Variants in MYO1E observed in about 807,000 individuals in gnomAD.
MYO1E encodes unconventional myosin-Ie.
MYO1E carries 68 observed loss-of-function variants against 151.1 expected under a neutral mutation model. The ratio of observed to expected loss-of-function variants is 0.45; its 90% CI spans 0.37 to 0.55. The LOEUF is 0.55. Among genes scored for constraint, MYO1E ranks in the 20% least tolerant of loss-of-function variants. The probability of loss-of-function intolerance (pLI) is 0.00; values close to 1 mark genes in which losing one functional copy is unlikely to be tolerated. For missense variants in MYO1E, 1,363 were observed against 1,389.3 expected (o/e 0.98, Z 0.30); for synonymous variants, 601 against 501.7 (o/e 1.20, Z -2.64).
rs2080538724 is a variant in MYO1E at position 59,309,834 on chromosome 15, T to C, written c.4-37385A>G. Among the ~76,000 whole-genome samples, 2 of 152,220 alleles carry C rather than the reference T, an allele frequency of 1.3e-5. 1 individual carries two copies. The highest frequency in any genetic ancestry group is 1.3e-4 in the Admixed American group (2 of 15,284). ...TAAGTGGGTAGAGACAAAGAGAAGC[T>C]TGTCTGGATAGGCCTTCGTATATAC... On this transcript the variant is annotated intron_variant, in intron 1 of 27. Coordinates refer to ENST00000288235, the MANE Select transcript of MYO1E (RefSeq NM_004998.4).
chr15:59,325,349 G>T (rs1391228620), intron 1 of MYO1E, among the ~76,000 whole-genome samples: 1 of 152,036 alleles, frequency 6.6e-6, no homozygotes, highest in Non-Finnish European at 1.5e-5. Flanking sequence ...GTCCTTTTTA[G>T]TTAGGGGATA....
chr15:59,149,057 T>TG (rs2079460023), intron 26 of MYO1E, among the ~76,000 whole-genome samples: 2 of 71,380 alleles, frequency 2.8e-5, no homozygotes, highest in African/African-American at 6.7e-5. Context: ...TTTTTGTTTT[T>TG]TTTTTTTTTT....
At chr15:59,207,023 T>A (rs1435226124) in intron 14 of MYO1E, 1 of 1,613,528 alleles carries the variant, frequency 6.2e-7, no homozygotes, top group Admixed American at 1.7e-5. Context: ...GGGATGGCCC[T>A]GTGTCCGCGT....
At chr15:59,232,532 C>T (rs940830066) in intron 5 of MYO1E, among the ~76,000 whole-genome samples, 2 of 152,220 alleles carry the variant, frequency 1.3e-5, no homozygotes, top group Admixed American at 6.5e-5. Context: ...GTGCAAAACA[C>T]ACCATAGACA....
In MYO1E at chr15:59,137,377, A is replaced by G; in HGVS notation, c.*3T>C. 1 of 1,613,966 alleles carries G rather than the reference A, an allele frequency of 6.2e-7. No individual in the cohort carries two copies. On this transcript the variant is annotated 3_prime_UTR_variant, in exon 28 of 28. Coordinates refer to ENST00000288235, the MANE Select transcript of MYO1E (RefSeq NM_004998.4). ...TGCCCCATGTGTCAGAGTCACGGGC[A>G]CCTCAGATCTTGGTCACATAGTTGT... is the stretch of plus-strand genomic sequence containing the variant.
At chr15:59,224,218 C>T (rs780788565) in intron 8 of MYO1E, among the ~76,000 whole-genome samples, 1 of 152,058 alleles carries the variant, frequency 6.6e-6, no homozygotes, top group Non-Finnish European at 1.5e-5. Context: ...GGGCATGGCA[C>T]AGAAAAAGGG....
At chr15:59,207,567 A>G in intron 14 of MYO1E, 1 of 1,614,150 alleles carries the variant, frequency 6.2e-7, no homozygotes, top group South Asian at 1.1e-5. Flanking sequence ...GTATTATTGG[A>G]AGCGGCTGTA....
chr15:59,367,109 A>G (rs1481359538), intron 1 of MYO1E, among the ~76,000 whole-genome samples: 1 of 151,968 alleles, frequency 6.6e-6, no homozygotes, highest in Non-Finnish European at 1.5e-5. Flanking sequence ...ACTTACACAG[A>G]AGATTTAAAA....
intron 2 of MYO1E, among the ~76,000 whole-genome samples, chr15:59,261,862 T>C (rs111285476): frequency 0.021 from 3,145 of 152,288 alleles, 111 homozygotes; most frequent in African/African-American, 0.072. Flanking sequence ...CCTCAAATGA[T>C]ATGCATTTTT....
chr15:59,137,044 G>C lies in MYO1E; in HGVS notation c.*336C>G. The C allele has an allele frequency of 2.5e-6, 1 of 393,332 alleles. No homozygotes were observed. The highest frequency in any genetic ancestry group is 3.6e-5 in the Admixed American group (1 of 27,768). 24.4% of individuals were successfully genotyped at this position (393,332 alleles called of 1,614,324 possible). On this transcript the variant is annotated 3_prime_UTR_variant, in exon 28 of 28. Transcript: ENST00000288235. ...TACAGCCATTCTCTAGGCCTGGTGA[G>C]CAAGCAGGGTGCTGTTTTGATAGAA...
At chr15:59,326,284 C>A (rs962127919) in intron 1 of MYO1E, among the ~76,000 whole-genome samples, 43 of 152,162 alleles carry the variant, frequency 2.8e-4, no homozygotes, top group African/African-American at 1.0e-3. Flanking sequence ...CTTTGGGAGG[C>A]CGAGGCAGGC....
In MYO1E at chr15:59,218,108, C is replaced by T. The variant is rs757860955; in HGVS notation, c.911-21G>A. 3 of 1,612,914 alleles carry T rather than the reference C, an allele frequency of 1.9e-6. No individual in the cohort carries two copies. In the African/African-American group the frequency reaches 4.0e-5, roughly 22 times the overall value. On this transcript the variant is annotated intron_variant, in intron 9 of 27. Coordinates refer to ENST00000288235, the MANE Select transcript of MYO1E (RefSeq NM_004998.4). ...TAAAACTGTAGAACATAAAACAAAA[C>T]ATGACAATCTTTCAGAATTGTGACA...
chr15:59,170,421 A>G (rs921661578), intron 22 of MYO1E, among the ~76,000 whole-genome samples: 15 of 152,130 alleles, frequency 9.9e-5, no homozygotes, highest in African/African-American at 3.4e-4. Flanking sequence ...GCCCCATGCA[A>G]TGACAAACAA....
intron 14 of MYO1E, 103 bp downstream of exon 14, chr15:59,208,578 A>T: frequency 1.4e-6 from 2 of 1,400,550 alleles, no homozygotes; most frequent in East Asian, 2.3e-5. Flanking sequence ...CCGTTTGTTG[A>T]ATCAATAAAA....
chr15:59,285,350 C>CTTTTTTT (rs368001329), intron 1 of MYO1E, among the ~76,000 whole-genome samples: 25 of 74,088 alleles, frequency 3.4e-4, no homozygotes, highest in East Asian at 8.5e-4. Context: ...GACACTGTCT[C>CTTTTTTT]TTTTTTTTTT....
rs1159646729 is a variant in MYO1E, at chr15:59,350,763, T to C, written c.3+21735A>G. Among the ~76,000 whole-genome samples the C allele has an allele frequency of 6.6e-6, 1 of 152,216 alleles. No individual in the cohort carries two copies. Among genetic ancestry groups the C allele is most frequent in the Non-Finnish European group, 1.5e-5 (1 of 68,034 alleles). On this transcript the variant is annotated intron_variant, in intron 1 of 27. Transcript: ENST00000288235. This position sits in a 1 kb window ranked among gnomAD's most constrained non-coding sequence, Gnocchi z 5.0. The stretch of plus-strand genomic sequence containing the variant: ...GATAACAATGCAAGATGACATAGTT[T>C]AGTCACAAATAAATAACTCTATGGT...
chr15:59,142,089 G>A (rs896511829), intron 26 of MYO1E, among the ~76,000 whole-genome samples: 18 of 152,012 alleles, frequency 1.2e-4, no homozygotes, highest in Admixed American at 5.2e-4. Context: ...CCTGGGAAAC[G>A]GAGTGAGACT....
rs757058737 is a variant in MYO1E, at chr15:59,223,198, G to A, written c.778-7C>T. The A allele has an allele frequency of 1.9e-6, 3 of 1,613,140 alleles. No individual in the cohort carries two copies. The highest frequency in any genetic ancestry group is 2.2e-5 in the South Asian group (2 of 91,070). On this transcript the variant is annotated splice_polypyrimidine_tract_variant and splice_region_variant and intron_variant, in intron 8 of 27. Coordinates refer to ENST00000288235, the MANE Select transcript of MYO1E (RefSeq NM_004998.4). ...CAATCACATTCATGGCGTGCTGGAA[G>A]AGAAAAGAGAAACTATCCAGAGAAG...
intron 15 of MYO1E, among the ~76,000 whole-genome samples, chr15:59,204,526 A>G (rs754896915): frequency 1.3e-5 from 2 of 152,238 alleles, no homozygotes; most frequent in Non-Finnish European, 2.9e-5. Flanking sequence ...CCTCGCAAGC[A>G]TGATGGACTT....
Sources: allele counts gnomAD v4.1 joint callset (sites outside exome capture counted in the v4.1 genomes callset), GRCh38; gene constraint gnomAD v4.1.1; non-coding constraint Gnocchi (gnomAD v3.1); transcripts MANE v1.5; gene names NCBI Gene and HGNC (gene_info 2026-07-23, HGNC 2026-07-21).